ASMTL: variants seen among roughly 807,000 people sequenced by gnomAD.
ASMTL encodes the protein probable bifunctional dTTP/UTP pyrophosphatase/methyltransferase protein.
Under a neutral mutation model 60.3 loss-of-function variants are expected in ASMTL, and 57 were observed. That is an observed-to-expected ratio of 0.95 (90% CI 0.76 to 1.18). ASMTL has a LOEUF of 1.18. ASMTL is among the 50% of genes most tolerant of loss of function. The probability of loss-of-function intolerance (pLI) is 0.00; values close to 1 mark genes in which losing one functional copy is unlikely to be tolerated. For synonymous variants in ASMTL, 419 were observed against 373.0 expected, an observed-to-expected ratio of 1.12 and a Z score of -1.42; for missense variants, 981 against 852.6, an observed-to-expected ratio of 1.15 and a Z score of -1.88.
rs780441722 is a variant in ASMTL, at chrX:1,432,342, C to T, written c.436G>A (p.Glu146Lys). 6.2e-7 allele frequency: 1 copy of T among 1,613,246 alleles called. No individual in the cohort carries two copies. The highest frequency in any genetic ancestry group is 2.2e-5 in the East Asian group (1 of 44,866). ...TCCGAGAACTTCACCTTCGTTTCCTCGTAGAATTCCGAGACCCTGGTGTCC... is the reference window on the plus strand; with the variant it reads ...TCCGAGAACTTCACCTTCGTTTCCTTGTAGAATTCCGAGACCCTGGTGTCC... ...QLDTRVSEFY[E>K]ETKVKFSELS... is the part of the protein sequence containing the mutation. The change falls in exon 6 of 13, where the codon GAG (glutamate) becomes AAG (lysine). Residue 146 changes from glutamate (E) to lysine (K), a missense_variant. By Grantham distance (56) the Glu-to-Lys change is moderately conservative (BLOSUM62 1). Transcript: ENST00000381317.
chrX:1,448,107 CCACCATCTTGGACACA>C (rs1282501110), intron 1 of ASMTL, among the ~76,000 whole-genome samples: 9 of 150,606 alleles, frequency 6.0e-5, no homozygotes, highest in African/African-American at 9.8e-5. Context: ...TGGATAAGCA[CCACCATCTTGGACACA>C]CACCATCTTG....
At chrX:1,404,383 T>C (rs1242096648) in intron 12 of ASMTL, among the ~76,000 whole-genome samples, 1 of 149,444 alleles carries the variant, frequency 6.7e-6, no homozygotes, top group Non-Finnish European at 1.5e-5. Flanking sequence ...AGATGGTAGA[T>C]GATGGGTAGG....
intron 3 of ASMTL, 132 bp from the exon 4 acceptor site, chrX:1,435,890 C>A (rs2090952555): frequency 3.9e-6 from 3 of 778,936 alleles, no homozygotes. Flanking sequence ...GTCGCCATTT[C>A]AAACAACTAA....
At chrX:1,417,582 C>T (rs2090337943) in intron 11 of ASMTL, among the ~76,000 whole-genome samples, 1 of 148,956 alleles carries the variant, frequency 6.7e-6, no homozygotes, top group Non-Finnish European at 1.5e-5. Context: ...ACACAGACAC[C>T]CACCGGCTCA....
chrX:1,445,927 C>T (rs1336118392), intron 1 of ASMTL, among the ~76,000 whole-genome samples: 2 of 151,978 alleles, frequency 1.3e-5, no homozygotes, highest in African/African-American at 4.8e-5. Flanking sequence ...TCTCCCTTTC[C>T]CTGGGGGGGT....
chrX:1,430,409 C>T (rs374907217), intron 6 of ASMTL, among the ~76,000 whole-genome samples: 6 of 152,022 alleles, frequency 3.9e-5, no homozygotes, highest in African/African-American at 1.4e-4. Context: ...GGGCTTATTT[C>T]AATTGATGTA....
intron 12 of ASMTL, among the ~76,000 whole-genome samples, chrX:1,404,976 A>G (rs1265241678): frequency 6.7e-6 from 1 of 148,508 alleles, no homozygotes; most frequent in Non-Finnish European, 1.5e-5. Context: ...GGGTGAATAG[A>G]TGGTAGATGA....
At chrX:1,430,777 A>T (rs1300883722) in intron 6 of ASMTL, among the ~76,000 whole-genome samples, 4 of 146,592 alleles carry the variant, frequency 2.7e-5, no homozygotes, top group African/African-American at 5.2e-5. Flanking sequence ...GTCTCAAAAA[A>T]ATAAATAAAA....
At chrX:1,432,164 A>T (rs1266408593) in intron 6 of ASMTL, 105 bp downstream of exon 6, 1 of 908,112 alleles carries the variant, frequency 1.1e-6, no homozygotes, top group East Asian at 2.6e-5. Flanking sequence ...CGGCCCCCGG[A>T]GCGGGGCCTC....
At chrX:1,442,952 T>C (rs1327364259) in intron 1 of ASMTL, among the ~76,000 whole-genome samples, 2 of 146,534 alleles carry the variant, frequency 1.4e-5, no homozygotes, top group African/African-American at 2.8e-5. Context: ...ACTCCGCATC[T>C]CCCCTCTGAC....
intron 11 of ASMTL, among the ~76,000 whole-genome samples, chrX:1,413,438 C>A (rs1167220583): frequency 6.6e-6 from 1 of 152,310 alleles, no homozygotes; most frequent in East Asian, 1.9e-4. Context: ...CAGGGAGAGT[C>A]GGGGCCGCAC....
rs764978509 is a variant in ASMTL at position 1,434,425 on chromosome X, G to C, written c.400+597C>G. Among the ~76,000 whole-genome samples, 9 of 151,648 alleles carry C rather than the reference G, an allele frequency of 5.9e-5. No homozygotes were observed. In the East Asian group the frequency reaches 1.7e-3, roughly 29 times the overall value. On this transcript the variant is annotated intron_variant, in intron 5 of 12. Transcript: ENST00000381317. ...GGATCGCTGGAGCTCAGGAGGTCGA[G>C]GCTGCAGTGAGCTATGATCACACCA...
chrX:1,445,102 G>A (rs1398052881), intron 1 of ASMTL, among the ~76,000 whole-genome samples: 1 of 152,120 alleles, frequency 6.6e-6, no homozygotes, highest in Non-Finnish European at 1.5e-5. Flanking sequence ...CGTCTGGTAA[G>A]ATCTGCCCTC....
chrX:1,412,943 A>T (rs1463465051), intron 11 of ASMTL, 89 bp from the exon 12 acceptor site: 2 of 1,465,166 alleles, frequency 1.4e-6, no homozygotes, highest in Non-Finnish European at 1.9e-6. Flanking sequence ...CCCGCATCCT[A>T]AATCAGGGAC....
At position 1,439,220 on chromosome X, in the gene ASMTL, C is replaced by T. The variant is rs373504017; in HGVS notation, c.226-76G>A. ...AGAGAAGTTTTCCCGTCGGTACGGG[C>T]GTGAAAGAGCACCGCAGGGGCGAAG... On this transcript the variant is annotated intron_variant, in intron 2 of 12. Coordinates refer to ENST00000381317, the MANE Select transcript of ASMTL (RefSeq NM_004192.4). 9.8e-5 allele frequency: 147 copies of T among 1,500,622 alleles called. No homozygotes were observed. The African/African-American group carries it at 1.6e-3, about 17-fold the overall frequency. 93.0% of individuals were successfully genotyped at this position (1,500,622 alleles called of 1,614,324 possible).
chrX:1,415,070 AGGT>A (rs1284441837), intron 11 of ASMTL, among the ~76,000 whole-genome samples: 1 of 151,854 alleles, frequency 6.6e-6, no homozygotes, highest in African/African-American at 2.4e-5. Context: ...CCTCCTGAAT[AGGT>A]GGGATTATAG....
chrX:1,425,897 T>G (rs2090601164), intron 7 of ASMTL, among the ~76,000 whole-genome samples: 1 of 152,102 alleles, frequency 6.6e-6, no homozygotes, highest in Non-Finnish European at 1.5e-5. Context: ...ACGAATATCA[T>G]GCAGAAAAAC....
At chrX:1,449,977 C>CCA (rs2091321905) in intron 1 of ASMTL, among the ~76,000 whole-genome samples, 1 of 150,280 alleles carries the variant, frequency 6.7e-6, no homozygotes, top group Non-Finnish European at 1.5e-5. Context: ...GTAACTATCC[C>CCA]TCATCACCGG....
chrX:1,425,991 C>T (rs5989888), intron 7 of ASMTL, among the ~76,000 whole-genome samples: 101,480 of 151,996 alleles, frequency 0.67, 34,887 homozygotes, highest in South Asian at 0.86. Flanking sequence ...CCCCCAGTCC[C>T]TCAGGATGTG....
Sources: allele counts gnomAD v4.1 joint callset (sites outside exome capture counted in the v4.1 genomes callset), GRCh38; gene constraint gnomAD v4.1.1; transcripts MANE v1.5; gene names NCBI Gene and HGNC (gene_info 2026-07-23, HGNC 2026-07-21).